MYOM1: variants seen among roughly 807,000 people sequenced by gnomAD.
MYOM1 encodes myomesin-1.
Under a neutral mutation model 205.3 loss-of-function variants are expected in MYOM1, and 164 were observed. The ratio of observed to expected loss-of-function variants is 0.80; its 90% CI spans 0.70 to 0.91. MYOM1 has a LOEUF of 0.91. MYOM1 is among the 40% of genes least tolerant of loss of function. The pLI is 0.00. For missense variants in MYOM1, 2,011 were observed against 2,127.3 expected (o/e 0.95, Z 1.08); for synonymous variants, 772 against 789.4 (o/e 0.98, Z 0.37).
rs866603818 is a variant in MYOM1, at chr18:3,083,888, G to A, written c.4385C>T (p.Ser1462Phe). 2.5e-6 allele frequency: 4 copies of A among 1,578,980 alleles called. No individual in the cohort carries two copies. In the Middle Eastern group the frequency reaches 5.0e-4, roughly 197 times the overall value. The stretch of plus-strand genomic sequence containing the variant: ...GCTCTGGATTTTCAGGTCTGTAGCA[G>A]ACAAAGCTGAAAGAAGAAAATAGCA... ...MMEVCKKIAL[S>F]ATDLKIQSTA... The change falls in exon 33 of 38, where the codon TCT becomes TTT. Residue 1462 changes from serine to phenylalanine, a missense_variant. Transcript: ENST00000356443.
At chr18:3,228,085 C>G in the MYOM1 span, among the ~76,000 whole-genome samples, 2 of 152,164 alleles carry the variant, frequency 1.3e-5, no homozygotes, top group African/African-American at 2.4e-5. This position sits in a 1 kb window ranked among gnomAD's most constrained non-coding sequence, Gnocchi z 4.5. Context: ...TTACTCCTGA[C>G]AGCAAGAGCA....
chr18:3,105,383 T>A (rs1044311295), intron 22 of MYOM1, among the ~76,000 whole-genome samples: 4 of 152,242 alleles, frequency 2.6e-5, no homozygotes, highest in Non-Finnish European at 5.9e-5. Context: ...AAGCTCTTAT[T>A]GAATTGCATA....
At chr18:3,173,880 C>T in intron 8 of MYOM1, 58 bp downstream of exon 8, 1 of 1,495,050 alleles carries the variant, frequency 6.7e-7, no homozygotes, top group South Asian at 1.1e-5. Flanking sequence ...TATGGGCTAA[C>T]TTATTATGCC....
At chr18:3,175,277 T>G (rs2080621372) in intron 6 of MYOM1, among the ~76,000 whole-genome samples, 1 of 152,194 alleles carries the variant, frequency 6.6e-6, no homozygotes, top group Non-Finnish European at 1.5e-5. Context: ...GAGAAGGCTA[T>G]AAGTCTCCTG....
chr18:3,176,260 G>A (rs949870568), intron 5 of MYOM1, 126 bp from the exon 6 acceptor site: 24 of 596,462 alleles, frequency 4.0e-5, no homozygotes, highest in African/African-American at 3.7e-4. Flanking sequence ...CAGCAGCATC[G>A]ATTAAATAAA....
At position 3,134,776 on chromosome 18, in the gene MYOM1, G is replaced by GT. The variant is rs770522680; in HGVS notation, c.2257dup (p.Thr753AsnfsTer35). ...CTCCTCCCACGAAACTACCACTGAG[G>GT]TGTCTGTGTTTCTGCTTGGGATGAT... On this transcript the variant is annotated frameshift_variant, in exon 16 of 38. Coordinates refer to ENST00000356443, the MANE Select transcript of MYOM1 (RefSeq NM_003803.4). LOFTEE classifies it high-confidence loss of function. 2 of 1,613,810 alleles carry GT rather than the reference G, an allele frequency of 1.2e-6. No homozygotes were observed. Among genetic ancestry groups the GT allele is most frequent in the Non-Finnish European group, 1.7e-6 (2 of 1,179,892 alleles).
At chr18:3,183,010 A>G (rs2080760966) in intron 5 of MYOM1, among the ~76,000 whole-genome samples, 1 of 144,852 alleles carries the variant, frequency 6.9e-6, no homozygotes, top group South Asian at 2.2e-4. Context: ...GCTCACCGCA[A>G]CCTCCGCCTT....
intron 5 of MYOM1, among the ~76,000 whole-genome samples, chr18:3,187,224 C>T (rs9964165): frequency 4.6e-5 from 7 of 152,130 alleles, no homozygotes; most frequent in African/African-American, 1.7e-4. Context: ...AAATGCAATA[C>T]TTCATATAAA....
At chr18:3,149,554 G>A (rs1598723832) in intron 12 of MYOM1, among the ~76,000 whole-genome samples, 2 of 152,298 alleles carry the variant, frequency 1.3e-5, no homozygotes, top group South Asian at 2.1e-4. Flanking sequence ...GATAGCATGC[G>A]TTTGGGAGAA....
intron 21 of MYOM1, among the ~76,000 whole-genome samples, chr18:3,113,079 A>AAGTG (rs2079550787): frequency 7.2e-6 from 1 of 138,952 alleles, no homozygotes. Flanking sequence ...ATGTGTGCTG[A>AAGTG]GAATCCACTA....
intron 8 of MYOM1, among the ~76,000 whole-genome samples, chr18:3,170,836 A>T (rs2080546129): frequency 6.6e-6 from 1 of 151,824 alleles, no homozygotes; most frequent in Admixed American, 6.6e-5. Flanking sequence ...AGAATTTCAC[A>T]GGTAGCATGT....
chr18:3,112,678 G>C (rs1025681733), intron 21 of MYOM1, among the ~76,000 whole-genome samples: 13 of 152,128 alleles, frequency 8.5e-5, no homozygotes, highest in African/African-American at 3.1e-4. Flanking sequence ...AGTTAATTTA[G>C]TGGCCACCAA....
chr18:3,203,647 CCTA>C (rs2081093956), intron 2 of MYOM1, among the ~76,000 whole-genome samples: 2 of 151,522 alleles, frequency 1.3e-5, no homozygotes, highest in African/African-American at 4.8e-5. Context: ...TTAAAATTTT[CCTA>C]CAACGAAAAG....
At chr18:3,122,346 A>C (rs11081017) in intron 19 of MYOM1, among the ~76,000 whole-genome samples, 21,669 of 152,090 alleles carry the variant, frequency 0.14, 1,736 homozygotes, top group East Asian at 0.33. Flanking sequence ...ACCATGCAAA[A>C]GTCACCCCAC....
intron 26 of MYOM1, 30 bp downstream of exon 26, chr18:3,094,140 A>C: frequency 1.9e-6 from 3 of 1,609,646 alleles, no homozygotes; most frequent in Non-Finnish European, 2.5e-6. Flanking sequence ...ACAATGATAC[A>C]TTAAAAAGTC....
At chr18:3,164,826 T>C (rs2080445042) in intron 9 of MYOM1, among the ~76,000 whole-genome samples, 1 of 152,220 alleles carries the variant, frequency 6.6e-6, no homozygotes, top group African/African-American at 2.4e-5. Flanking sequence ...TAATTGTATA[T>C]GCAATCAATA....
At chr18:3,238,279 C>T in the MYOM1 span, among the ~76,000 whole-genome samples, 1 of 152,064 alleles carries the variant, frequency 6.6e-6, no homozygotes, top group Admixed American at 6.5e-5. Flanking sequence ...AATCTAAAGC[C>T]ACTGCCGATC....
rs376041429 is a variant in MYOM1 at position 3,168,968 on chromosome 18, T to C, written c.1188A>G (p.Pro396=). 50 of 1,612,360 alleles carry C rather than the reference T, an allele frequency of 3.1e-5. No homozygotes were observed. In the African/African-American group the frequency reaches 6.2e-4, roughly 20 times the overall value. The change falls in exon 9 of 38, where the codon CCA becomes CCG. Residue 396 remains proline, a synonymous_variant. Coordinates refer to ENST00000356443, the MANE Select transcript of MYOM1 (RefSeq NM_003803.4). ...TCTCAAACCGGGATGCATAACCATA[T>C]GGGGTCACACCAACTGGGTACAAAA... ...STMPLSFGVT[P]YGYASRFEIH... is the part of the protein sequence containing the mutation.
intron 26 of MYOM1, among the ~76,000 whole-genome samples, chr18:3,092,728 C>T (rs1160217500): frequency 1.3e-5 from 2 of 152,180 alleles, no homozygotes; most frequent in East Asian, 1.9e-4. Context: ...CCGAGCCTCA[C>T]CTGCAGGAAG....
Sources: gnomAD v4.1 joint callset for allele counts (sites outside exome capture counted in the v4.1 genomes callset) on GRCh38, gnomAD v4.1.1 for gene constraint, Gnocchi (gnomAD v3.1) non-coding constraint, MANE v1.5 for transcripts, NCBI Gene and HGNC (gene_info 2026-07-23, HGNC 2026-07-21) for gene names.